The following TCF12 variants were observed in gnomAD, a reference collection of about 807,000 sequenced individuals.
TCF12 encodes DNA-binding protein HTF4.
Under a neutral mutation model 86.0 loss-of-function variants are expected in TCF12, and 45 were observed. The ratio of observed to expected loss-of-function variants is 0.52; its 90% CI spans 0.41 to 0.67. The LOEUF (loss-of-function observed/expected upper bound fraction) is 0.67, where lower values mean the gene tolerates loss of function less well. Among genes scored for constraint, TCF12 ranks in the 30% least tolerant of loss-of-function variants. TCF12 has a pLI of 0.00. For synonymous variants in TCF12, 330 were observed against 299.6 expected, an observed-to-expected ratio of 1.10 and a Z score of -1.05; for missense variants, 881 against 859.9, an observed-to-expected ratio of 1.02 and a Z score of -0.31.
At chr15:56,983,697 G>C (rs1367033991) in intron 3 of TCF12, among the ~76,000 whole-genome samples, 1 of 151,866 alleles carries the variant, frequency 6.6e-6, no homozygotes, top group Non-Finnish European at 1.5e-5. Flanking sequence ...GAACTTTGTG[G>C]ATTTTAGGAT....
At chr15:56,944,734 A>G (rs1194618337) in intron 3 of TCF12, among the ~76,000 whole-genome samples, 1 of 152,198 alleles carries the variant, frequency 6.6e-6, no homozygotes, top group Admixed American at 6.6e-5. Context: ...GTCACACTAC[A>G]TTAAACAAAC....
intron 5 of TCF12, among the ~76,000 whole-genome samples, chr15:57,126,156 A>C (rs1485484274): frequency 6.6e-6 from 1 of 152,186 alleles, no homozygotes; most frequent in Non-Finnish European, 1.5e-5. Flanking sequence ...TGAGAGGATC[A>C]GTTGAGCTCA....
intron 7 of TCF12, among the ~76,000 whole-genome samples, chr15:57,197,152 C>CTTTTTTATTTTT (rs2057306088): frequency 1.1e-5 from 1 of 87,260 alleles, no homozygotes; most frequent in Non-Finnish European, 2.1e-5. Flanking sequence ...AGAACAGCTT[C>CTTTTTTATTTTT]TTTTTTTTTT....
intron 3 of TCF12, among the ~76,000 whole-genome samples, chr15:56,953,200 A>C (rs1260603086): frequency 6.6e-6 from 1 of 151,988 alleles, no homozygotes; most frequent in Non-Finnish European, 1.5e-5. Context: ...GATAAACCCC[A>C]TGTGGCTATG....
intron 5 of TCF12, among the ~76,000 whole-genome samples, chr15:57,121,585 A>G (rs2051235941): frequency 6.6e-6 from 1 of 152,176 alleles, no homozygotes; most frequent in African/African-American, 2.4e-5. Flanking sequence ...CACAGCGTTT[A>G]TCTCTTGCCC....
Position 57,192,181 on chromosome 15 carries a change from G to T in TCF12, c.414G>T (p.Leu138=), listed in dbSNP as rs780476388. 2.5e-6 allele frequency: 4 copies of T among 1,613,954 alleles called. No individual in the cohort carries two copies. In the South Asian group the frequency reaches 4.4e-5, roughly 18 times the overall value. The change falls in exon 7 of 21, where the codon CTG becomes CTT. Residue 138 remains leucine (L), a synonymous_variant. Transcript: ENST00000333725. ...AGTCTAGTCTCCTGAGACAAGATCT[G>T]GGGCTTGGGAGCCCAGCACAGCTAT... is the stretch of plus-strand genomic sequence containing the variant. ...GCQSSLLRQD[L]GLGSPAQLSS...
chr15:57,282,526 C>T lies in TCF12; in HGVS notation c.2060C>T (p.Thr687Ile). 6.2e-7 allele frequency: 1 copy of T among 1,614,254 alleles called. No individual in the cohort carries two copies. The highest frequency in any genetic ancestry group is 8.5e-7 in the Non-Finnish European group (1 of 1,180,052). ...KVSAVSAEPP[T>I]TLPGTHPGLS... The stretch of plus-strand genomic sequence containing the variant: ...TCTGCCGTATCGGCAGAGCCGCCAA[C>T]CACACTGCCAGGAACCCATCCTGGG... Residue 687 changes from threonine (T) to isoleucine (I), a missense_variant, in exon 20 of 21, where the codon ACC (threonine) becomes ATC (isoleucine). Transcript: ENST00000333725.
chr15:57,075,770 C>CT (rs1223529309), intron 4 of TCF12, among the ~76,000 whole-genome samples: 1 of 52,222 alleles, frequency 1.9e-5, no homozygotes, highest in African/African-American at 7.1e-5. Flanking sequence ...TTCTTTCTTT[C>CT]TTTCTTTCTT....
intron 3 of TCF12, among the ~76,000 whole-genome samples, chr15:56,968,493 A>G (rs1274782780): frequency 6.6e-6 from 1 of 151,922 alleles, no homozygotes; most frequent in Non-Finnish European, 1.5e-5. Flanking sequence ...TGTAGCTGAA[A>G]CTACAGGTGC....
chr15:57,289,343 G>A lies in TCF12; in HGVS notation c.*3198G>A, dbSNP rs1478119123. On this transcript the variant is annotated 3_prime_UTR_variant, in exon 21 of 21. Coordinates refer to ENST00000333725, the MANE Select transcript of TCF12 (RefSeq NM_207037.2). The stretch of plus-strand genomic sequence containing the variant: ...TGAAATAAAATATAGAGACCATCTA[G>A]TAAATGACCTCATTAATATATCTGT... 1 of 152,140 alleles carries A rather than the reference G, an allele frequency of 6.6e-6. No homozygotes were observed. The highest frequency in any genetic ancestry group is 6.6e-5 in the Admixed American group (1 of 15,266). 9.4% of individuals were successfully genotyped at this position (152,140 alleles called of 1,614,324 possible).
intron 3 of TCF12, among the ~76,000 whole-genome samples, chr15:56,950,318 CGG>C (rs2061207926): frequency 6.6e-6 from 1 of 152,098 alleles, no homozygotes; most frequent in African/African-American, 2.4e-5. Context: ...CTCTGCCTAC[CGG>C]GTTCAAGCGA....
intron 12 of TCF12, among the ~76,000 whole-genome samples, chr15:57,235,604 AGACAG>A (rs2059349171): frequency 6.6e-6 from 1 of 152,206 alleles, no homozygotes; most frequent in Admixed American, 6.5e-5. Context: ...CTATTTAGGA[AGACAG>A]TTTTATTCTA....
intron 18 of TCF12, among the ~76,000 whole-genome samples, chr15:57,270,835 C>G (rs1381176813): frequency 6.6e-6 from 1 of 152,192 alleles, no homozygotes; most frequent in Non-Finnish European, 1.5e-5. Context: ...AGCTGCACAT[C>G]TGTTGGAGTT....
Position 56,995,231 on chromosome 15 carries a change from C to CTTTT in TCF12, c.149-68494_149-68491dup, listed in dbSNP as rs557610511. 5.2e-3 allele frequency among the ~76,000 whole-genome samples: 159 copies of CTTTT among 30,294 alleles called. 50 individuals carry two copies. The highest frequency in any genetic ancestry group is 7.5e-3 in the Non-Finnish European group (122 of 16,176). 19.9% of individuals were successfully genotyped at this position (30,294 alleles called of 152,430 possible). Reference sequence around the variant, plus strand: ...AAGTCAGGTAATGTGATACCTGCAGCTTTTTTTTTTTTTTTTTTTTTTTTT... The same window carrying CTTTT: ...AAGTCAGGTAATGTGATACCTGCAGCTTTTTTTTTTTTTTTTTTTTTTTTTTTTT... On this transcript the variant is annotated intron_variant, in intron 3 of 20. Transcript: ENST00000333725.
chr15:57,084,649 A>G (rs980127913), intron 4 of TCF12, among the ~76,000 whole-genome samples: 14 of 152,138 alleles, frequency 9.2e-5, no homozygotes, highest in African/African-American at 3.1e-4. Flanking sequence ...GAGGATGTAG[A>G]TTAGTGCTTC....
intron 3 of TCF12, among the ~76,000 whole-genome samples, chr15:57,000,322 G>A (rs1712619822): frequency 6.7e-6 from 1 of 149,646 alleles, no homozygotes; most frequent in East Asian, 2.0e-4. Flanking sequence ...TTACAGGCAT[G>A]AGCCACTGCA....
intron 8 of TCF12, chr15:57,213,968 A>G (rs1597365290): frequency 6.6e-6 from 1 of 152,204 alleles, no homozygotes; most frequent in Non-Finnish European, 1.5e-5. Flanking sequence ...GTGTGCATAC[A>G]CACACCTTTA....
intron 3 of TCF12, among the ~76,000 whole-genome samples, chr15:57,017,008 C>G (rs904410335): frequency 6.6e-6 from 1 of 152,146 alleles, no homozygotes; most frequent in Non-Finnish European, 1.5e-5. Context: ...GATAAGGGAA[C>G]TGATGCAAAT....
At chr15:56,948,601 G>C (rs769587181) in intron 3 of TCF12, among the ~76,000 whole-genome samples, 2 of 152,076 alleles carry the variant, frequency 1.3e-5, no homozygotes, top group Non-Finnish European at 2.9e-5. Flanking sequence ...GTAAAGTTTC[G>C]AGTGAGTTGA....
Sources: gnomAD v4.1 joint callset for allele counts (sites outside exome capture counted in the v4.1 genomes callset) on GRCh38, gnomAD v4.1.1 for gene constraint, MANE v1.5 for transcripts, NCBI Gene and HGNC (gene_info 2026-07-23, HGNC 2026-07-21) for gene names.